Variants in GOLGA4 observed in about 807,000 individuals in gnomAD.
The protein encoded by GOLGA4 is golgin A4, also known as golgin subfamily A member 4.
In GOLGA4, 169 loss-of-function variants were observed where a neutral mutation model predicts 265.9. The ratio of observed to expected loss-of-function variants is 0.64; its 90% CI spans 0.56 to 0.72. The LOEUF is 0.72. Among genes scored for constraint, GOLGA4 ranks in the 30% least tolerant of loss-of-function variants. GOLGA4 has a pLI of 0.00. For missense variants in GOLGA4, 2,482 were observed against 2,483.4 expected (o/e 1.00, Z 0.01); for synonymous variants, 923 against 855.8 (o/e 1.08, Z -1.37).
rs765921102 is a variant in GOLGA4 at position 37,327,459 on chromosome 3, A to G, written c.5573A>G (p.Glu1858Gly). The G allele has an allele frequency of 1.9e-6, 3 of 1,613,066 alleles. No individual in the cohort carries two copies. The highest frequency in any genetic ancestry group is 2.2e-5 in the East Asian group (1 of 44,878). ...CAGATTTTGGAGCAAAAGATAAAAG[A>G]GCTGGATTCCTGCTTAGTAAGACAG... ...TCQILEQKIK[E>G]LDSCLVRQKE... The change falls in exon 14 of 24, where the codon GAG (glutamate) becomes GGG (glycine). Residue 1858 changes from glutamate to glycine, a missense_variant. Transcript: ENST00000361924.
At chr3:37,338,724 A>G (rs551841531) in intron 19 of GOLGA4, among the ~76,000 whole-genome samples, 3 of 152,276 alleles carry the variant, frequency 2.0e-5, no homozygotes, top group South Asian at 4.1e-4. Flanking sequence ...CTCCATACCC[A>G]TTAAGCAGTC....
At chr3:37,288,214 G>T (rs1412742028) in intron 4 of GOLGA4, among the ~76,000 whole-genome samples, 1 of 146,406 alleles carries the variant, frequency 6.8e-6, no homozygotes, top group Non-Finnish European at 1.5e-5. Context: ...CGATTCTCCT[G>T]CCTCAGCCTC....
Position 37,323,757 on chromosome 3 carries a change from A to T in GOLGA4, c.1871A>T (p.Asp624Val). 1 of 1,613,422 alleles carries T rather than the reference A, an allele frequency of 6.2e-7. No individual in the cohort carries two copies. The highest frequency in any genetic ancestry group is 8.5e-7 in the Non-Finnish European group (1 of 1,179,848). ...TELESLKHQQ[D>V]ALWTEKLQVL... ...TTGGAAAGCCTTAAGCATCAGCAGG[A>T]TGCCCTTTGGACTGAAAAACTCCAA... is the stretch of plus-strand genomic sequence containing the variant. Residue 624 changes from aspartate (D) to valine (V), a missense_variant, in exon 14 of 24, where the codon GAT (aspartate) becomes GTT (valine). Physicochemically the swap from Asp to Val is radical, Grantham distance 152 (BLOSUM62 -3). Coordinates refer to ENST00000361924, the MANE Select transcript of GOLGA4 (RefSeq NM_002078.5).
Position 37,326,789 on chromosome 3 carries a change from G to T in GOLGA4, c.4903G>T (p.Ala1635Ser). The T allele has an allele frequency of 6.2e-7, 1 of 1,613,776 alleles. No individual in the cohort carries two copies. The highest frequency in any genetic ancestry group is 8.5e-7 in the Non-Finnish European group (1 of 1,179,758). Residue 1635 changes from alanine (A) to serine (S), a missense_variant, in exon 14 of 24, where the codon GCA (alanine) becomes TCA (serine). Physicochemically the swap from Ala to Ser is moderately conservative, Grantham distance 99. This residue lies in a region of GOLGA4 where 942 missense variants were observed against 983.1 expected (regional missense o/e 0.96). Coordinates refer to ENST00000361924, the MANE Select transcript of GOLGA4 (RefSeq NM_002078.5). ...AGATAGGCTTGAGTCAGAAAGTGCTGCAAAATTAGCAGAGTTGAAGAGAAA... is the reference window on the plus strand; with the variant it reads ...AGATAGGCTTGAGTCAGAAAGTGCTTCAAAATTAGCAGAGTTGAAGAGAAA... ...LEDRLESESA[A>S]KLAELKRKAE... is the part of the protein sequence containing the mutation.
intron 16 of GOLGA4, among the ~76,000 whole-genome samples, chr3:37,332,705 G>A (rs1392443179): frequency 6.6e-6 from 1 of 151,500 alleles, no homozygotes; most frequent in Non-Finnish European, 1.5e-5. Context: ...TCCCTCCACC[G>A]GCAACCATTA....
rs753675266 is a variant in GOLGA4, at chr3:37,325,180, GGAA to G, written c.3299_3301del (p.Glu1100del). ...TGAACAAGGAAATAACATGGCTGAA[GGAA>G]GAAGGTGTTAAGCAGGATACAACAT... On this transcript the variant is annotated inframe_deletion, in exon 14 of 24. Transcript: ENST00000361924. 1 of 1,613,756 alleles carries G rather than the reference GGAA, an allele frequency of 6.2e-7. No homozygotes were observed. The highest frequency in any genetic ancestry group is 1.3e-5 in the African/African-American group (1 of 75,034).
chr3:37,340,493 C>A (rs1485425153), intron 20 of GOLGA4, among the ~76,000 whole-genome samples: 1 of 152,058 alleles, frequency 6.6e-6, no homozygotes, highest in Non-Finnish European at 1.5e-5. Context: ...TTCAAGAATA[C>A]AATAAATTGG....
At chr3:37,273,990 CTTAG>C (rs975175973) in intron 2 of GOLGA4, among the ~76,000 whole-genome samples, 6 of 151,144 alleles carry the variant, frequency 4.0e-5, no homozygotes, top group Non-Finnish European at 5.9e-5. Context: ...ATCCCAGCTA[CTTAG>C]TTGGCTGAAG....
At chr3:37,343,731 A>G (rs932441302) in intron 20 of GOLGA4, among the ~76,000 whole-genome samples, 2 of 152,216 alleles carry the variant, frequency 1.3e-5, no homozygotes, top group African/African-American at 4.8e-5. Flanking sequence ...CCTGGTAGGT[A>G]GAACTAGAGG....
At chr3:37,318,957 T>C (rs2096946107) in intron 11 of GOLGA4, 106 bp from the exon 12 acceptor site, 3 of 731,274 alleles carry the variant, frequency 4.1e-6, no homozygotes, top group South Asian at 5.7e-5. Flanking sequence ...GATTTTTTCT[T>C]CTTAAAAACT....
At chr3:37,303,765 C>T (rs183311771) in intron 10 of GOLGA4, among the ~76,000 whole-genome samples, 75 of 152,258 alleles carry the variant, frequency 4.9e-4, no homozygotes, top group Admixed American at 4.3e-3. Context: ...CTTCTGCTGA[C>T]GCTTATTTAG....
chr3:37,322,946 C>G (rs2096959113), intron 13 of GOLGA4, among the ~76,000 whole-genome samples: 1 of 151,664 alleles, frequency 6.6e-6, no homozygotes, highest in South Asian at 2.1e-4. Context: ...TGGAAAAAAC[C>G]CCAATCTTCC....
At chr3:37,340,896 G>C (rs957027758) in intron 20 of GOLGA4, among the ~76,000 whole-genome samples, 8 of 152,166 alleles carry the variant, frequency 5.3e-5, no homozygotes, top group Admixed American at 1.3e-4. Flanking sequence ...TGGCGGGCGT[G>C]GTGGCTCACG....
intron 23 of GOLGA4, among the ~76,000 whole-genome samples, chr3:37,362,543 A>T (rs979990934): frequency 6.7e-6 from 1 of 148,818 alleles, no homozygotes; most frequent in African/African-American, 2.5e-5. Flanking sequence ...GGCCTTATTT[A>T]TTTTTTTTTA....
intron 5 of GOLGA4, 95 bp from the exon 6 acceptor site, chr3:37,294,884 A>T: frequency 3.0e-6 from 2 of 666,810 alleles, no homozygotes; most frequent in Non-Finnish European, 5.2e-6. Context: ...CCTTAAGGGG[A>T]ATGCAAATCT....
intron 2 of GOLGA4, among the ~76,000 whole-genome samples, chr3:37,279,979 C>T (rs946915089): frequency 2.6e-5 from 4 of 151,858 alleles, no homozygotes; most frequent in African/African-American, 9.7e-5. Context: ...TTTCCTGGTC[C>T]CTCAATTGCT....
chr3:37,304,850 A>G (rs1475175344), intron 10 of GOLGA4, among the ~76,000 whole-genome samples: 1 of 152,092 alleles, frequency 6.6e-6, no homozygotes, highest in Non-Finnish European at 1.5e-5. Context: ...TTTCAGTGTG[A>G]TTTTCATAAA....
At chr3:37,356,167 A>G (rs2097090468) in intron 22 of GOLGA4, among the ~76,000 whole-genome samples, 1 of 152,160 alleles carries the variant, frequency 6.6e-6, no homozygotes, top group Admixed American at 6.5e-5. Context: ...TCTAACTCAT[A>G]GAATTCAACC....
chr3:37,276,708 T>C, intron 2 of GOLGA4: 1 of 1,053,440 alleles, frequency 9.5e-7, no homozygotes. Context: ...TTAAAGCAAC[T>C]TGAGTTAGAC....
Sources: gnomAD v4.1 joint callset for allele counts (sites outside exome capture counted in the v4.1 genomes callset) on GRCh38, gnomAD v4.1.1 for gene constraint, gnomAD v4.1.1 regional missense constraint, MANE v1.5 for transcripts, NCBI Gene and HGNC (gene_info 2026-07-23, HGNC 2026-07-21) for gene names.